GABRB2: variants seen among roughly 807,000 people sequenced by gnomAD.
GABRB2 encodes the protein gamma-aminobutyric acid receptor subunit beta-2.
GABRB2 carries 16 observed loss-of-function variants against 54.7 expected under a neutral mutation model. That is an observed-to-expected ratio of 0.29 (90% CI 0.20 to 0.44). The LOEUF (loss-of-function observed/expected upper bound fraction) is 0.44, where lower values mean the gene tolerates loss of function less well. Among genes scored for constraint, GABRB2 ranks in the 20% least tolerant of loss-of-function variants. GABRB2 has a pLI of 1.00. For synonymous variants in GABRB2, 244 were observed against 233.8 expected (o/e 1.04, Z -0.40); for missense variants, 355 against 644.0 (o/e 0.55, Z 4.86).
intron 3 of GABRB2, among the ~76,000 whole-genome samples, chr5:161,509,934 C>T (rs1759715873): frequency 6.6e-6 from 1 of 151,868 alleles, no homozygotes; most frequent in Non-Finnish European, 1.5e-5. Context: ...GTTTCACCTT[C>T]CCAGAAAATT....
intron 5 of GABRB2, among the ~76,000 whole-genome samples, chr5:161,392,385 T>C (rs1215837834): frequency 6.6e-6 from 1 of 152,224 alleles, no homozygotes; most frequent in Admixed American, 6.5e-5. Flanking sequence ...GAATACCTAG[T>C]AACTTTTTGG....
chr5:161,317,228 T>C (rs1386103069), intron 9 of GABRB2, among the ~76,000 whole-genome samples: 1 of 152,200 alleles, frequency 6.6e-6, no homozygotes, highest in African/African-American at 2.4e-5. Flanking sequence ...ATTTGGGTGA[T>C]GGATAACCCA....
chr5:161,509,890 C>A (rs535476593), intron 3 of GABRB2, among the ~76,000 whole-genome samples: 1 of 152,070 alleles, frequency 6.6e-6, no homozygotes, highest in East Asian at 1.9e-4. Flanking sequence ...CTTTCTATAA[C>A]ATTAATCTAT....
intron 3 of GABRB2, among the ~76,000 whole-genome samples, chr5:161,538,753 G>A (rs554497719): frequency 1.3e-5 from 2 of 152,248 alleles, no homozygotes; most frequent in South Asian, 4.1e-4. Context: ...GGGTCCAAGA[G>A]GTGAAGGTTG....
At chr5:161,547,567 G>C (rs1033476493), upstream of GABRB2, among the ~76,000 whole-genome samples, 9 of 151,924 alleles carry the variant, frequency 5.9e-5, no homozygotes, top group African/African-American at 2.2e-4. Context: ...GTTATTTATA[G>C]CAGGAGGGGA....
At chr5:161,321,945 A>G (rs1758223254) in intron 9 of GABRB2, among the ~76,000 whole-genome samples, 1 of 152,110 alleles carries the variant, frequency 6.6e-6, no homozygotes, top group East Asian at 1.9e-4. Flanking sequence ...GGTACAGCAA[A>G]ATTTTTCCAG....
intron 9 of GABRB2, among the ~76,000 whole-genome samples, chr5:161,296,899 T>C (rs1220189014): frequency 6.6e-6 from 1 of 152,172 alleles, no homozygotes; most frequent in African/African-American, 2.4e-5. Context: ...GGACTAAGAA[T>C]AGGATTCGGG....
intron 4 of GABRB2, among the ~76,000 whole-genome samples, chr5:161,446,332 T>C (rs1433151364): frequency 6.6e-6 from 1 of 152,176 alleles, no homozygotes; most frequent in Admixed American, 6.6e-5. Flanking sequence ...TGTGCCTGTT[T>C]TATTAAACAT....
Position 161,326,369 on chromosome 5 carries a change from G to A in GABRB2, c.1190C>T (p.Thr397Met), listed in dbSNP as rs375083192. 8.7e-5 allele frequency: 141 copies of A among 1,613,260 alleles called. No homozygotes were observed. The highest frequency in any genetic ancestry group is 1.1e-4 in the Non-Finnish European group (134 of 1,179,460). ...TGGATTAAAAACTGGCTATCTAACC[G>A]TATACAGAGAGAAATCGTAATTGGT... is the stretch of plus-strand genomic sequence containing the variant. ...RTTNYDFSLY[T>M]MDPHENILLS... Residue 397 changes from threonine to methionine, a missense_variant and splice_region_variant, in exon 9 of 10, where the codon ACG becomes ATG. This residue lies in a region of GABRB2 where 201 missense variants were observed against 228.1 expected (regional missense o/e 0.88). Coordinates refer to ENST00000393959, the MANE Select transcript of GABRB2 (RefSeq NM_001371727.1).
Position 161,288,461 on chromosome 5 carries a change from G to T in GABRB2, c.*5620C>A, listed in dbSNP as rs917111980. 1 of 152,540 alleles carries T rather than the reference G, an allele frequency of 6.6e-6. No individual in the cohort carries two copies. Among genetic ancestry groups the T allele is most frequent in the African/African-American group, 2.4e-5 (1 of 41,424 alleles). The allele number at this position is 152,540 out of a possible 1,614,324, so 9.4% of individuals were successfully genotyped here. A position where few individuals can be genotyped will look rare whatever the true frequency, so the allele number is the denominator to read the frequency against. On this transcript the variant is annotated 3_prime_UTR_variant, in exon 10 of 10. Transcript: ENST00000393959. The stretch of plus-strand genomic sequence containing the variant: ...TTTTTATTTTTATTTATATTTCTTA[G>T]TTCAAGAATTACACACTAGCCAACA...
chr5:161,365,573 G>A (rs1303653376), intron 5 of GABRB2, among the ~76,000 whole-genome samples: 1 of 152,110 alleles, frequency 6.6e-6, no homozygotes, highest in Non-Finnish European at 1.5e-5. Context: ...AATTTTTTGT[G>A]TTGGGAACAT....
chr5:161,501,160 A>G (rs1759426989), intron 3 of GABRB2, among the ~76,000 whole-genome samples: 1 of 152,134 alleles, frequency 6.6e-6, no homozygotes, highest in African/African-American at 2.4e-5. Flanking sequence ...ATTCATTATA[A>G]ACTCACTGAA....
chr5:161,486,167 G>T (rs1758916350), intron 3 of GABRB2, among the ~76,000 whole-genome samples: 1 of 151,754 alleles, frequency 6.6e-6, no homozygotes, highest in Non-Finnish European at 1.5e-5. Flanking sequence ...CAGACAGATG[G>T]GTCTACACTG....
chr5:161,510,922 T>G (rs1412918011), intron 3 of GABRB2, among the ~76,000 whole-genome samples: 1 of 151,952 alleles, frequency 6.6e-6, no homozygotes, highest in South Asian at 2.1e-4. Flanking sequence ...CATAGTTGCT[T>G]AGAGGCTCAT....
intron 5 of GABRB2, among the ~76,000 whole-genome samples, chr5:161,410,525 TC>T (rs1237249194): frequency 6.6e-6 from 1 of 152,092 alleles, no homozygotes; most frequent in Admixed American, 6.6e-5. Context: ...AAAACCTTAC[TC>T]TATGAATGTT....
At position 161,335,048 on chromosome 5, in the gene GABRB2, G is replaced by A. The variant is rs1005403264; in HGVS notation, c.680-144C>T. ...ACTTTCTTCTGCAAAAGTAGTCTGA[G>A]AGCCCTGAGTTTCTAATTACCAGGA... On this transcript the variant is annotated intron_variant, in intron 6 of 9. Transcript: ENST00000393959. 134 of 760,758 alleles carry A rather than the reference G, an allele frequency of 1.8e-4. 1 individual carries two copies. The Admixed American group carries it at 3.5e-3, about 20-fold the overall frequency. The allele number at this position is 760,758 out of a possible 1,614,324, so 47.1% of individuals were successfully genotyped here. A position where few individuals can be genotyped will look rare whatever the true frequency, so the allele number is the denominator to read the frequency against.
chr5:161,304,852 G>A (rs991138960), intron 9 of GABRB2, among the ~76,000 whole-genome samples: 5 of 151,698 alleles, frequency 3.3e-5, no homozygotes, highest in Non-Finnish European at 7.4e-5. Flanking sequence ...ATTATTTCTG[G>A]GTGCCTCTTA....
intron 3 of GABRB2, among the ~76,000 whole-genome samples, chr5:161,469,831 A>G (rs1758387380): frequency 6.6e-6 from 1 of 152,016 alleles, no homozygotes; most frequent in Non-Finnish European, 1.5e-5. Flanking sequence ...CCCTATGGCC[A>G]TGAAGTACAA....
chr5:161,296,066 A>AT (rs1194377110), intron 9 of GABRB2, among the ~76,000 whole-genome samples: 2 of 152,118 alleles, frequency 1.3e-5, no homozygotes, highest in Non-Finnish European at 2.9e-5. Context: ...TGGAAGTGGC[A>AT]TTTTTTCCCA....
Sources: allele counts gnomAD v4.1 joint callset (sites outside exome capture counted in the v4.1 genomes callset), GRCh38; gene constraint gnomAD v4.1.1; regional missense constraint gnomAD v4.1.1; transcripts MANE v1.5; gene names NCBI Gene and HGNC (gene_info 2026-07-23, HGNC 2026-07-21).